ATP13A3: variants seen among roughly 807,000 people sequenced by gnomAD.
ATP13A3 encodes ATPase 13A3.
ATP13A3 carries 59 observed loss-of-function variants against 158.1 expected under a neutral mutation model. The observed-to-expected ratio is 0.37, with a 90% confidence interval of 0.30 to 0.46. ATP13A3 has a LOEUF of 0.46. Among genes scored for constraint, ATP13A3 ranks in the 20% least tolerant of loss-of-function variants. ATP13A3 has a pLI of 1.00. For missense variants in ATP13A3, 1,166 were observed against 1,525.2 expected, an observed-to-expected ratio of 0.76 and a Z score of 3.92; for synonymous variants, 491 against 504.3, an observed-to-expected ratio of 0.97 and a Z score of 0.35.
rs1560066843 is a variant in ATP13A3, at chr3:194,410,326, A to AC, written c.3573+1872_3573+1873insG. Among the ~76,000 whole-genome samples, 107 of 147,034 alleles carry AC rather than the reference A, an allele frequency of 7.3e-4. 3 individuals carry two copies. Among genetic ancestry groups the AC allele is most frequent in the African/African-American group, 2.6e-3 (101 of 39,438 alleles). On this transcript the variant is annotated intron_variant, in intron 33 of 33. Coordinates refer to ENST00000645319, the MANE Select transcript of ATP13A3 (RefSeq NM_001367549.1). The stretch of plus-strand genomic sequence containing the variant: ...AAAAAAAAAAAAAAAAAAAAAAAAA[A>AC]AAAAACTGCTGGGCCTGGGATGGCA...
At position 194,417,958 on chromosome 3, in the gene ATP13A3, C is replaced by CGGAAGGAA. The variant is rs1198337838; in HGVS notation, c.3402+1913_3402+1920dup. ...CGTGGGTGACAGACAGACGGACGGA[C>CGGAAGGAA]GGAAGGAAGGAAGGAAGGAAGGAAG... On this transcript the variant is annotated intron_variant, in intron 31 of 33. Coordinates refer to ENST00000645319, the MANE Select transcript of ATP13A3 (RefSeq NM_001367549.1). Among the ~76,000 whole-genome samples, 243 of 76,878 alleles carry CGGAAGGAA rather than the reference C, an allele frequency of 3.2e-3. 1 individual carries two copies. The highest frequency in any genetic ancestry group is 0.014 in the East Asian group (29 of 2,094). The allele number at this position is 76,878 out of a possible 152,430, so 50.4% of individuals were successfully genotyped here.
intron 22 of ATP13A3, 130 bp downstream of exon 22, chr3:194,431,587 A>G (rs1049956023): frequency 4.7e-5 from 45 of 967,002 alleles, no homozygotes; most frequent in Non-Finnish European, 6.4e-5. Context: ...ATAATCTCTG[A>G]AAAAATAGCC....
At chr3:194,478,009 G>A (rs953091167) in intron 2 of ATP13A3, among the ~76,000 whole-genome samples, 1 of 152,172 alleles carries the variant, frequency 6.6e-6, no homozygotes, top group Non-Finnish European at 1.5e-5. Flanking sequence ...CTTCACTCTA[G>A]CCAAGCAGTT....
intron 33 of ATP13A3, among the ~76,000 whole-genome samples, chr3:194,408,096 T>A (rs1337243298): frequency 6.6e-6 from 1 of 151,352 alleles, no homozygotes; most frequent in African/African-American, 2.4e-5. Context: ...CTAAGCTCAC[T>A]GCAACCACTG....
intron 2 of ATP13A3, 46 bp from the exon 3 acceptor site, chr3:194,462,282 T>C (rs1719717562): frequency 8.1e-7 from 1 of 1,228,622 alleles, no homozygotes; most frequent in African/African-American, 1.5e-5. Flanking sequence ...TCTTCTATCT[T>C]AGTAGACGAT....
chr3:194,488,956 A>G (rs1721113387), upstream of ATP13A3, among the ~76,000 whole-genome samples: 1 of 152,206 alleles, frequency 6.6e-6, no homozygotes. This position sits in a 1 kb window ranked among gnomAD's most constrained non-coding sequence, Gnocchi z 4.1. Context: ...GATATCACAG[A>G]CACCCCAAAC....
At chr3:194,428,990 A>G in intron 27 of ATP13A3, 73 bp from the exon 28 acceptor site, 1 of 1,039,514 alleles carries the variant, frequency 9.6e-7, no homozygotes, top group South Asian at 1.7e-5. Flanking sequence ...TTTTATTAAT[A>G]GTTTGGATTT....
chr3:194,431,954 T>G (rs1243141569), intron 21 of ATP13A3, 62 bp from the exon 22 acceptor site: 2 of 1,333,612 alleles, frequency 1.5e-6, no homozygotes, highest in East Asian at 2.7e-5. Context: ...GTATCAAACA[T>G]GTACTTGCTG....
intron 11 of ATP13A3, among the ~76,000 whole-genome samples, chr3:194,449,420 C>T (rs962673123): frequency 1.3e-5 from 2 of 152,228 alleles, no homozygotes; most frequent in Admixed American, 6.5e-5. Flanking sequence ...TGGCTCACGC[C>T]TGTAATTCCA....
In ATP13A3 at chr3:194,447,905, C is replaced by A; in HGVS notation, c.1255G>T (p.Ala419Ser). Residue 419 changes from alanine (A) to serine (S), a missense_variant, in exon 13 of 34, where the codon GCA becomes TCA. Physicochemically the swap from Ala to Ser is moderately conservative, Grantham distance 99 (BLOSUM62 1). This residue lies in a region of ATP13A3 where 997 missense variants were observed against 1,341.2 expected (regional missense o/e 0.74). Transcript: ENST00000645319. ...DAYLFLLCLV[A>S]VAGIGFIYTI... is the part of the protein sequence containing the mutation. ...TAGATAAACCCAATGCCAGCAACTG[C>A]CACAAGACATAGTAGAAACAAGTAG... 1.9e-6 allele frequency: 3 copies of A among 1,611,934 alleles called. No homozygotes were observed. Among genetic ancestry groups the A allele is most frequent in the Non-Finnish European group, 2.5e-6 (3 of 1,178,322 alleles).
chr3:194,410,710 A>G (rs1351034026), intron 33 of ATP13A3, among the ~76,000 whole-genome samples: 1 of 152,154 alleles, frequency 6.6e-6, no homozygotes, highest in East Asian at 1.9e-4. Context: ...TATAATGCCT[A>G]CTTTCAGCTA....
chr3:194,419,849 C>T, intron 31 of ATP13A3, 30 bp downstream of exon 31: 1 of 1,552,354 alleles, frequency 6.4e-7, no homozygotes, highest in Non-Finnish European at 8.6e-7. Flanking sequence ...TAGTCTTTTT[C>T]CCCAAACAAA....
intron 29 of ATP13A3, among the ~76,000 whole-genome samples, chr3:194,425,902 C>T (rs188371160): frequency 7.5e-4 from 115 of 152,334 alleles, no homozygotes; most frequent in African/African-American, 2.8e-3. Flanking sequence ...CCTGAGCCTA[C>T]CTCCTCGCTG....
chr3:194,437,440 G>C lies in ATP13A3; in HGVS notation c.1870C>G (p.Arg624Gly), dbSNP rs375504912. The C allele has an allele frequency of 6.2e-7, 1 of 1,613,990 alleles. No homozygotes were observed. The highest frequency in any genetic ancestry group is 8.5e-7 in the Non-Finnish European group (1 of 1,180,032). The change falls in exon 19 of 34, where the codon CGC becomes GGC. Residue 624 changes from arginine (R) to glycine (G), a missense_variant. Physicochemically the swap from Arg to Gly is moderately radical, Grantham distance 125. This residue lies in a region of ATP13A3 where 997 missense variants were observed against 1,341.2 expected (regional missense o/e 0.74). Coordinates refer to ENST00000645319, the MANE Select transcript of ATP13A3 (RefSeq NM_001367549.1). ...LPATYEIGIV[R>G]QFPFSSALQR... ...AAAGCAGAAGAAAATGGGAACTGGC[G>C]AACAATTCCTATCTCATAAGTAGCC...
rs1717105361 is a variant in ATP13A3 at position 194,430,061 on chromosome 3, A to G, written c.2777+11T>C. On this transcript the variant is annotated intron_variant, in intron 26 of 33. Coordinates refer to ENST00000645319, the MANE Select transcript of ATP13A3 (RefSeq NM_001367549.1). ...AGAAAAAGGGATGAGAAAAATTTTA[A>G]TTTGTACTACCTGATAAGGTTTGGC... is the stretch of plus-strand genomic sequence containing the variant. 1 of 1,597,366 alleles carries G rather than the reference A, an allele frequency of 6.3e-7. No homozygotes were observed. Among genetic ancestry groups the G allele is most frequent in the Non-Finnish European group, 8.5e-7 (1 of 1,171,512 alleles).
At chr3:194,449,469 CAGG>C (rs1212842342) in intron 11 of ATP13A3, among the ~76,000 whole-genome samples, 2 of 152,134 alleles carry the variant, frequency 1.3e-5, no homozygotes, top group African/African-American at 4.8e-5. Context: ...CACCTGAGGA[CAGG>C]AGTTCACGAC....
intron 2 of ATP13A3, 46 bp downstream of exon 2, chr3:194,485,748 A>C (rs1283245542): frequency 6.6e-6 from 1 of 152,216 alleles, no homozygotes; most frequent in Admixed American, 6.5e-5. Flanking sequence ...ATATAGCTCT[A>C]AGACACTGAT....
At chr3:194,409,462 C>T (rs555043558) in intron 33 of ATP13A3, among the ~76,000 whole-genome samples, 3 of 152,212 alleles carry the variant, frequency 2.0e-5, no homozygotes, top group Admixed American at 6.5e-5. Flanking sequence ...AATCAAATTA[C>T]AGGTAGTATG....
At chr3:194,482,049 T>C (rs1459517119) in intron 2 of ATP13A3, among the ~76,000 whole-genome samples, 3 of 152,220 alleles carry the variant, frequency 2.0e-5, no homozygotes, top group Non-Finnish European at 4.4e-5. Context: ...AATCATTTTA[T>C]GGAAACTTTT....
Sources: allele counts gnomAD v4.1 joint callset (sites outside exome capture counted in the v4.1 genomes callset), GRCh38; gene constraint gnomAD v4.1.1; regional missense constraint gnomAD v4.1.1; non-coding constraint Gnocchi (gnomAD v3.1); transcripts MANE v1.5; gene names NCBI Gene and HGNC (gene_info 2026-07-23, HGNC 2026-07-21).